KCNQ5: variants seen among roughly 807,000 people sequenced by gnomAD.
The protein encoded by KCNQ5 is potassium voltage-gated channel subfamily Q member 5.
A neutral mutation model predicts 98.2 loss-of-function variants in KCNQ5; 30 were observed. That is an observed-to-expected ratio of 0.31 (90% CI 0.23 to 0.41). The LOEUF (loss-of-function observed/expected upper bound fraction) is 0.41, where lower values mean the gene tolerates loss of function less well. Among genes scored for constraint, KCNQ5 ranks in the 10% least tolerant of loss-of-function variants. KCNQ5 has a pLI of 1.00. For synonymous variants in KCNQ5, 458 were observed against 449.4 expected (o/e 1.02, Z -0.24); for missense variants, 835 against 1,182.5 (o/e 0.71, Z 4.31).
intron 1 of KCNQ5, among the ~76,000 whole-genome samples, chr6:72,651,359 A>G (rs950976014): frequency 2.6e-5 from 4 of 152,114 alleles, no homozygotes; most frequent in African/African-American, 9.7e-5. Flanking sequence ...AAAGAAATGT[A>G]CTTGGGCTAT....
At chr6:73,180,144 G>A (rs1778354998) in intron 11 of KCNQ5, among the ~76,000 whole-genome samples, 1 of 152,132 alleles carries the variant, frequency 6.6e-6, no homozygotes, top group African/African-American at 2.4e-5. Flanking sequence ...GCTCACAGTC[G>A]CAGCAACCAT....
Position 73,195,125 on chromosome 6 carries a change from G to A in KCNQ5, c.2510G>A (p.Arg837Lys), listed in dbSNP as rs1765740872. ...GKSLSVQNLI[R>K]STEELNIQLS... ...TCTTTGTCTGTGCAAAACCTGATCA[G>A]GTCGACCGAGGAACTGAATATACAA... Residue 837 changes from arginine to lysine, a missense_variant, in exon 14 of 14, where the codon AGG (arginine) becomes AAG (lysine). Arg to Lys is a conservative substitution (Grantham distance 26). Transcript: ENST00000370398. 2 of 1,614,202 alleles carry A rather than the reference G, an allele frequency of 1.2e-6. No homozygotes were observed. Among genetic ancestry groups the A allele is most frequent in the Non-Finnish European group, 8.5e-7 (1 of 1,180,038 alleles).
At chr6:72,872,132 C>A (rs1285667024) in intron 1 of KCNQ5, among the ~76,000 whole-genome samples, 2 of 152,170 alleles carry the variant, frequency 1.3e-5, no homozygotes, top group Non-Finnish European at 2.9e-5. Flanking sequence ...TATGTAATAG[C>A]TTTATCCAAA....
rs534159967 is a variant in KCNQ5, at chr6:72,692,834, T to C, written c.398+70247T>C. Among the ~76,000 whole-genome samples the C allele has an allele frequency of 4.6e-5, 7 of 152,234 alleles. No individual in the cohort carries two copies. In the South Asian group the frequency reaches 1.5e-3, roughly 32 times the overall value. On this transcript the variant is annotated intron_variant, in intron 1 of 13. Coordinates refer to ENST00000370398, the MANE Select transcript of KCNQ5 (RefSeq NM_019842.4). The stretch of plus-strand genomic sequence containing the variant: ...AGTGAGGCCCTGCTGTAATATGGTG[T>C]AGGATTTATGAGACTGGAAAAGTAT...
intron 1 of KCNQ5, among the ~76,000 whole-genome samples, chr6:72,721,856 T>A (rs369185964): frequency 6.6e-6 from 1 of 152,180 alleles, no homozygotes; most frequent in African/African-American, 2.4e-5. Context: ...TATGGTACAC[T>A]GAAAATATGC....
chr6:73,097,031 T>A (rs1327364769), intron 5 of KCNQ5, among the ~76,000 whole-genome samples: 1 of 151,608 alleles, frequency 6.6e-6, no homozygotes, highest in Non-Finnish European at 1.5e-5. Context: ...ACAGAGTGAC[T>A]CAGTCTCAGA....
intron 7 of KCNQ5, among the ~76,000 whole-genome samples, chr6:73,117,023 G>A (rs181620660): frequency 1.3e-5 from 2 of 152,310 alleles, no homozygotes; most frequent in Admixed American, 6.5e-5. Context: ...AAATCTCTTT[G>A]ACTGCCTAGA....
At chr6:72,758,715 A>G (rs940351610) in intron 1 of KCNQ5, among the ~76,000 whole-genome samples, 4 of 152,156 alleles carry the variant, frequency 2.6e-5, no homozygotes, top group Non-Finnish European at 5.9e-5. Flanking sequence ...AGTGCCTATA[A>G]TCATCTTTGA....
chr6:72,893,682 A>AT (rs747281927), intron 1 of KCNQ5, among the ~76,000 whole-genome samples: 7 of 152,280 alleles, frequency 4.6e-5, no homozygotes, highest in Non-Finnish European at 8.8e-5. Context: ...TTTCCACACC[A>AT]TTTTTGCTGC....
chr6:73,184,899 G>A (rs930288729), intron 11 of KCNQ5, among the ~76,000 whole-genome samples: 4 of 152,090 alleles, frequency 2.6e-5, no homozygotes. Flanking sequence ...AGAGAAGGGG[G>A]GAATTCTCAC....
intron 1 of KCNQ5, among the ~76,000 whole-genome samples, chr6:72,883,290 G>C (rs1470548515): frequency 6.6e-6 from 1 of 152,074 alleles, no homozygotes; most frequent in African/African-American, 2.4e-5. Flanking sequence ...GATGCCTCCT[G>C]TTCTCAAAAG....
Position 72,622,220 on chromosome 6 carries a change from G to T in KCNQ5, c.31G>T (p.Gly11Cys). 8.1e-7 allele frequency: 1 copy of T among 1,233,972 alleles called. No individual in the cohort carries two copies. Among genetic ancestry groups the T allele is most frequent in the Non-Finnish European group, 1.0e-6 (1 of 989,946 alleles). The allele number at this position is 1,233,972 out of a possible 1,614,324, so 76.4% of individuals were successfully genotyped here. Residue 11 changes from glycine to cysteine, a missense_variant, in exon 1 of 14, where the codon GGC becomes TGC. Coordinates refer to ENST00000370398, the MANE Select transcript of KCNQ5 (RefSeq NM_019842.4). The surrounding 1 kb of genome is among the most constrained non-coding windows in gnomAD (Gnocchi z 6.0). ...CCGCCACCACGCGGGAGGAGAGGAGGGCGGCGCCGCCGGGCTCTGGGTGAA... is the reference window on the plus strand; with the variant it reads ...CCGCCACCACGCGGGAGGAGAGGAGTGCGGCGCCGCCGGGCTCTGGGTGAA... MPRHHAGGEE[G>C]GAAGLWVKSG...
At position 73,031,369 on chromosome 6, in the gene KCNQ5, C is replaced by T. The variant is rs1004518156; in HGVS notation, c.490-10567C>T. Among the ~76,000 whole-genome samples the T allele has an allele frequency of 3.3e-5, 5 of 152,134 alleles. No individual in the cohort carries two copies. In the South Asian group the frequency reaches 8.3e-4, roughly 25 times the overall value. ...TCTCATTGCAATTAGTGTCATAAAG[C>T]TGAATAGACAGGTCAGAAATGAAAA... On this transcript the variant is annotated intron_variant, in intron 2 of 13. Coordinates refer to ENST00000370398, the MANE Select transcript of KCNQ5 (RefSeq NM_019842.4).
At chr6:72,664,927 A>C (rs562628434) in intron 1 of KCNQ5, among the ~76,000 whole-genome samples, 39 of 152,366 alleles carry the variant, frequency 2.6e-4, no homozygotes, top group African/African-American at 9.4e-4. Context: ...TCCCCTATTG[A>C]ATTCCCGATA....
intron 1 of KCNQ5, among the ~76,000 whole-genome samples, chr6:72,670,980 C>G (rs1767074558): frequency 6.6e-6 from 1 of 152,158 alleles, no homozygotes; most frequent in Non-Finnish European, 1.5e-5. Context: ...CACTAGAGCA[C>G]AATTCAGGCA....
At chr6:73,004,472 A>T (rs1256290707) in intron 2 of KCNQ5, among the ~76,000 whole-genome samples, 1 of 152,196 alleles carries the variant, frequency 6.6e-6, no homozygotes, top group Non-Finnish European at 1.5e-5. Context: ...GCTCTTTTCA[A>T]CCAACAGACT....
At chr6:73,066,461 A>G (rs1773063463) in intron 3 of KCNQ5, among the ~76,000 whole-genome samples, 1 of 152,210 alleles carries the variant, frequency 6.6e-6, no homozygotes, top group Non-Finnish European at 1.5e-5. Context: ...TCTATACCTC[A>G]TGCTTGGCTT....
chr6:72,797,442 T>C (rs2154478467), intron 1 of KCNQ5, among the ~76,000 whole-genome samples: 1 of 151,346 alleles, frequency 6.6e-6, no homozygotes, highest in Non-Finnish European at 1.5e-5. Context: ...GAGGTCAAGG[T>C]TGCAGTGAGC....
Position 72,711,438 on chromosome 6 carries a change from C to T in KCNQ5, c.398+88851C>T, listed in dbSNP as rs989958762. 2.0e-4 allele frequency among the ~76,000 whole-genome samples: 30 copies of T among 152,240 alleles called. 1 individual carries two copies. The highest frequency in any genetic ancestry group is 2.0e-3 in the Admixed American group (30 of 15,280). The stretch of plus-strand genomic sequence containing the variant: ...CTTGAAAAGAAGCATAAAGGAACAA[C>T]ATGTGAAAAGCACTTGGTGCATTTG... On this transcript the variant is annotated intron_variant, in intron 1 of 13. Transcript: ENST00000370398.
Sources: allele counts gnomAD v4.1 joint callset (sites outside exome capture counted in the v4.1 genomes callset), GRCh38; gene constraint gnomAD v4.1.1; non-coding constraint Gnocchi (gnomAD v3.1); transcripts MANE v1.5; gene names NCBI Gene and HGNC (gene_info 2026-07-23, HGNC 2026-07-21).